Variants in ACCSL observed in about 807,000 individuals in gnomAD.
ACCSL encodes 1-aminocyclopropane-1-carboxylate synthase homolog (inactive) like, also known as probable inactive 1-aminocyclopropane-1-carboxylate synthase-like protein 2.
Under a neutral mutation model 61.7 loss-of-function variants are expected in ACCSL, and 55 were observed. That is an observed-to-expected ratio of 0.89 (90% confidence interval 0.72 to 1.12). The LOEUF (loss-of-function observed/expected upper bound fraction) is 1.12. ACCSL is among the 50% of genes most tolerant of loss of function. The pLI, the probability that ACCSL is intolerant of heterozygous loss-of-function variation, is 0.00. For synonymous variants in ACCSL, 258 were observed against 264.3 expected (o/e 0.98, Z 0.23); for missense variants, 632 against 698.0 (o/e 0.91, Z 1.07).
At chr11:44,037,233 G>A in the ACCSL span, among the ~76,000 whole-genome samples, 861 of 152,300 alleles carry the variant, frequency 5.7e-3, 9 homozygotes, top group Non-Finnish European at 8.3e-3. Context: ...AGGAACAGTC[G>A]TATTTGCCAA....
At chr11:43,980,902 G>A in the ACCSL span, among the ~76,000 whole-genome samples, 1,346 of 149,744 alleles carry the variant, frequency 9.0e-3, 18 homozygotes, top group African/African-American at 0.031. Flanking sequence ...GCTCAGAAGC[G>A]TACGTCACCT....
the ACCSL span, among the ~76,000 whole-genome samples, chr11:43,972,298 C>T: frequency 6.6e-6 from 1 of 152,198 alleles, no homozygotes; most frequent in Non-Finnish European, 1.5e-5. Context: ...GTTCACACCA[C>T]CTTGGTGTAC....
At chr11:44,031,519 G>A in the ACCSL span, among the ~76,000 whole-genome samples, 1 of 152,184 alleles carries the variant, frequency 6.6e-6, no homozygotes, top group African/African-American at 2.4e-5. Flanking sequence ...CCCACTGGGT[G>A]GGATTAGAAA....
intron 13 of ACCSL, among the ~76,000 whole-genome samples, chr11:44,059,477 T>C (rs4755775): frequency 0.1 from 15,668 of 152,216 alleles, 920 homozygotes; most frequent in Middle Eastern, 0.14. Flanking sequence ...TAGCAGTGAA[T>C]TGTTCATTCT....
upstream of ACCSL, among the ~76,000 whole-genome samples, chr11:44,045,209 G>A (rs1467506748): frequency 3.9e-5 from 6 of 152,116 alleles, no homozygotes; most frequent in African/African-American, 7.2e-5. Flanking sequence ...AGGCTGAGGC[G>A]AGAGGATCAC....
chr11:43,929,847 C>T, the ACCSL span, among the ~76,000 whole-genome samples: 2 of 152,156 alleles, frequency 1.3e-5, no homozygotes, highest in African/African-American at 2.4e-5. Context: ...TACCTGGCCT[C>T]TTGTGTGGGC....
intron 11 of ACCSL, among the ~76,000 whole-genome samples, 179 bp from the exon 12 acceptor site, chr11:44,058,138 A>C (rs1303658461): frequency 6.6e-6 from 1 of 152,120 alleles, no homozygotes; most frequent in Non-Finnish European, 1.5e-5. Context: ...GTGCCACTGC[A>C]CTCCAGCCTG....
At chr11:43,993,520 A>G in the ACCSL span, among the ~76,000 whole-genome samples, 3 of 152,210 alleles carry the variant, frequency 2.0e-5, no homozygotes, top group African/African-American at 4.8e-5. Context: ...GGGAGCAGTG[A>G]CTACGCCTAC....
the ACCSL span, among the ~76,000 whole-genome samples, chr11:43,932,540 G>T: frequency 0.025 from 3,755 of 152,296 alleles, 164 homozygotes; most frequent in African/African-American, 0.086. Context: ...AAGTGCTGGG[G>T]ATTACAGGTG....
At chr11:44,049,943 C>T in intron 1 of ACCSL, 119 bp from the exon 2 acceptor site, 2 of 1,399,338 alleles carry the variant, frequency 1.4e-6, no homozygotes, top group Non-Finnish European at 2.0e-6. Flanking sequence ...GTAAAGTTGT[C>T]AAATTTGGAT....
chr11:44,052,410 A>G (rs1051414645), intron 5 of ACCSL, among the ~76,000 whole-genome samples: 3 of 152,218 alleles, frequency 2.0e-5, no homozygotes, highest in South Asian at 2.1e-4. Flanking sequence ...ATTCTGAGTT[A>G]CTCAGTGATA....
the ACCSL span, among the ~76,000 whole-genome samples, chr11:43,936,681 T>A: frequency 6.6e-5 from 10 of 152,268 alleles, no homozygotes; most frequent in Admixed American, 3.9e-4. Flanking sequence ...TGTGTTCTCC[T>A]TACCTGATGG....
chr11:43,978,072 C>T, the ACCSL span, among the ~76,000 whole-genome samples: 57 of 138,384 alleles, frequency 4.1e-4, no homozygotes, highest in South Asian at 7.3e-3. Flanking sequence ...TGCAGTGGTA[C>T]GATCTTGGCT....
the ACCSL span, among the ~76,000 whole-genome samples, chr11:43,931,256 G>A: frequency 6.6e-6 from 1 of 152,230 alleles, no homozygotes; most frequent in Non-Finnish European, 1.5e-5. Context: ...TGAGTGGGGA[G>A]GGGCCTTCAT....
At chr11:44,019,784 T>C in the ACCSL span, among the ~76,000 whole-genome samples, 1 of 152,352 alleles carries the variant, frequency 6.6e-6, no homozygotes, top group Admixed American at 6.5e-5. Flanking sequence ...TTTTCTTTTG[T>C]AAATTGTACT....
the ACCSL span, among the ~76,000 whole-genome samples, chr11:43,958,595 G>A: frequency 6.6e-6 from 1 of 152,190 alleles, no homozygotes; most frequent in Non-Finnish European, 1.5e-5. Context: ...CTCTGTCTAG[G>A]CAGCAGGCAA....
At chr11:43,970,531 C>T in the ACCSL span, among the ~76,000 whole-genome samples, 6 of 152,168 alleles carry the variant, frequency 3.9e-5, no homozygotes, top group Non-Finnish European at 8.8e-5. Flanking sequence ...GAACATACGT[C>T]TCATTCCTCA....
At chr11:43,972,717 T>C in the ACCSL span, among the ~76,000 whole-genome samples, 1 of 152,188 alleles carries the variant, frequency 6.6e-6, no homozygotes, top group African/African-American at 2.4e-5. Context: ...GCGTTATGTT[T>C]ACCAATAAGG....
chr11:43,925,154 C>T, the ACCSL span: 1 of 282,030 alleles, frequency 3.5e-6, no homozygotes, highest in Admixed American at 4.0e-5. Context: ...CTGTGCCCTC[C>T]TCCAGGCTTC....
Sources: allele counts gnomAD v4.1 joint callset (sites outside exome capture counted in the v4.1 genomes callset), GRCh38; gene constraint gnomAD v4.1.1; transcripts MANE v1.5; gene names NCBI Gene and HGNC (gene_info 2026-07-23, HGNC 2026-07-21).